Variants in PTPRD observed in about 807,000 individuals in gnomAD.
PTPRD encodes the protein protein tyrosine phosphatase receptor type D.
A neutral mutation model predicts 214.5 loss-of-function variants in PTPRD; 34 were observed. The observed-to-expected ratio is 0.16, with a 90% confidence interval of 0.12 to 0.21. The LOEUF (loss-of-function observed/expected upper bound fraction) is 0.21, where lower values mean the gene tolerates loss of function less well. Ranked by LOEUF, PTPRD falls within the 10% of genes least tolerant of loss-of-function variation. PTPRD has a pLI of 1.00. For synonymous variants in PTPRD, 1,128 were observed against 845.7 expected, an observed-to-expected ratio of 1.33 and a Z score of -5.79; for missense variants, 2,545 against 2,398.7, an observed-to-expected ratio of 1.06 and a Z score of -1.27.
At chr9:10,375,456 C>A (rs1159661843) in intron 2 of PTPRD, among the ~76,000 whole-genome samples, 1 of 151,934 alleles carries the variant, frequency 6.6e-6, no homozygotes, top group Non-Finnish European at 1.5e-5. Flanking sequence ...GTCATTTCAG[C>A]CTCTTTATAG....
chr9:10,489,438 A>G (rs1406080407), intron 2 of PTPRD, among the ~76,000 whole-genome samples: 6 of 152,266 alleles, frequency 3.9e-5, no homozygotes, highest in Middle Eastern at 3.4e-3. Context: ...GGGAGGGGTG[A>G]TGACAGCAAT....
intron 2 of PTPRD, among the ~76,000 whole-genome samples, chr9:10,472,548 C>T (rs758552080): frequency 4.6e-5 from 7 of 152,090 alleles, no homozygotes; most frequent in Non-Finnish European, 5.9e-5. Flanking sequence ...TCACAGGCTA[C>T]TTCGGTCATC....
Position 8,465,647 on chromosome 9 carries a change from C to G in PTPRD, c.3533G>C (p.Arg1178Thr). The G allele has an allele frequency of 6.2e-7, 1 of 1,611,918 alleles. No homozygotes were observed. The highest frequency in any genetic ancestry group is 1.1e-5 in the South Asian group (1 of 90,974). ...ELLKEISRKR[R>T]SIRYGREVEL... ...AACTTCTCTCCCATAACGGATGCTT[C>G]TGCGCTTCCTAGATATCTCCTTAAG... Residue 1178 changes from arginine (R) to threonine (T), a missense_variant, in exon 32 of 46, where the codon AGA becomes ACA. Coordinates refer to ENST00000381196, the MANE Select transcript of PTPRD (RefSeq NM_002839.4).
chr9:9,262,098 T>G (rs890297897), intron 9 of PTPRD, among the ~76,000 whole-genome samples: 1 of 151,610 alleles, frequency 6.6e-6, no homozygotes, highest in African/African-American at 2.4e-5. Flanking sequence ...TACTGGGGTG[T>G]CCCACAGTGT....
intron 11 of PTPRD, among the ~76,000 whole-genome samples, chr9:8,976,680 C>T (rs761858718): frequency 2.6e-5 from 4 of 152,038 alleles, no homozygotes; most frequent in African/African-American, 4.8e-5. Flanking sequence ...CCATTGATAA[C>T]ATTTGATTCA....
chr9:9,066,771 G>T (rs1004734294), intron 10 of PTPRD, among the ~76,000 whole-genome samples: 1 of 152,182 alleles, frequency 6.6e-6, no homozygotes, highest in East Asian at 1.9e-4. Flanking sequence ...ATCCAAAGCT[G>T]GAAGATAAAC....
At chr9:10,114,673 C>T (rs2098716473) in intron 3 of PTPRD, among the ~76,000 whole-genome samples, 1 of 152,014 alleles carries the variant, frequency 6.6e-6, no homozygotes, top group Admixed American at 6.6e-5. Context: ...AATATGCCCA[C>T]ATGCATATAT....
intron 8 of PTPRD, among the ~76,000 whole-genome samples, chr9:9,524,162 CAG>C (rs1276614079): frequency 6.6e-6 from 1 of 152,094 alleles, no homozygotes; most frequent in Non-Finnish European, 1.5e-5. Flanking sequence ...CCCTGAGAGA[CAG>C]AGAGAGACAA....
chr9:8,349,933 G>GTTT (rs71317358), intron 39 of PTPRD, among the ~76,000 whole-genome samples: 15 of 145,144 alleles, frequency 1.0e-4, no homozygotes, highest in African/African-American at 3.5e-4. Flanking sequence ...AACTTTAGTG[G>GTTT]TTTTTTTTTT....
rs542699684 is a variant in PTPRD, at chr9:8,718,920, G to T, written c.64+14860C>A. On this transcript the variant is annotated intron_variant, in intron 12 of 45. Transcript: ENST00000381196. ...GGTGTTTTCTCATTAGTTTTATTTT[G>T]CTTTTGATTTATAAGCACCAAAATG... 3.9e-5 allele frequency among the ~76,000 whole-genome samples: 6 copies of T among 152,154 alleles called. No homozygotes were observed. In the South Asian group the frequency reaches 1.0e-3, roughly 26 times the overall value.
intron 7 of PTPRD, among the ~76,000 whole-genome samples, chr9:9,683,519 A>G (rs562742252): frequency 6.8e-4 from 103 of 151,842 alleles, no homozygotes; most frequent in African/African-American, 2.4e-3. Context: ...TCCTATAAAA[A>G]CAATTCAAGA....
chr9:9,067,375 G>A (rs763537862), intron 10 of PTPRD, among the ~76,000 whole-genome samples: 10 of 152,122 alleles, frequency 6.6e-5, no homozygotes, highest in African/African-American at 9.7e-5. Context: ...GTGTATTTAC[G>A]TTTATGCCTT....
chr9:10,476,090 C>A lies in PTPRD; in HGVS notation c.-599-135073G>T, dbSNP rs1375469696. On this transcript the variant is annotated intron_variant, in intron 2 of 45. Transcript: ENST00000381196. ...ACTGGCACAAAACAAGTTATGCCCC[C>A]TCTCACCTCTCCTATTCAACATAGT... Among the ~76,000 whole-genome samples, 4 of 152,086 alleles carry A rather than the reference C, an allele frequency of 2.6e-5. No individual in the cohort carries two copies. In the East Asian group the frequency reaches 5.8e-4, roughly 22 times the overall value.
At chr9:10,144,360 A>T (rs1431317991) in intron 3 of PTPRD, among the ~76,000 whole-genome samples, 1 of 152,086 alleles carries the variant, frequency 6.6e-6, no homozygotes, top group Non-Finnish European at 1.5e-5. Context: ...TTAAGGTAAG[A>T]TGAAGAATTG....
chr9:8,826,239 GC>G (rs1024938541), intron 11 of PTPRD, among the ~76,000 whole-genome samples: 18 of 147,870 alleles, frequency 1.2e-4, no homozygotes, highest in Admixed American at 1.0e-3. Context: ...TTCCTAAATG[GC>G]CTTCCTATTT....
intron 8 of PTPRD, among the ~76,000 whole-genome samples, chr9:9,499,923 C>G (rs997524313): frequency 3.9e-5 from 6 of 151,924 alleles, no homozygotes; most frequent in Non-Finnish European, 8.8e-5. Context: ...GAAAACTGAT[C>G]CATACCAAGC....
chr9:8,924,125 CG>C (rs34944190), intron 11 of PTPRD, among the ~76,000 whole-genome samples: 103,566 of 151,648 alleles, frequency 0.68, 35,568 homozygotes, highest in East Asian at 0.86. Flanking sequence ...GCCTAAGCTA[CG>C]ATTAAATCCA....
At chr9:9,367,856 G>A (rs1295196819) in intron 9 of PTPRD, among the ~76,000 whole-genome samples, 1 of 151,618 alleles carries the variant, frequency 6.6e-6, no homozygotes, top group Non-Finnish European at 1.5e-5. Context: ...TATGTATTCT[G>A]TTCCTAGAAT....
intron 9 of PTPRD, among the ~76,000 whole-genome samples, chr9:9,195,216 T>A (rs1186005554): frequency 6.6e-6 from 1 of 151,708 alleles, no homozygotes; most frequent in African/African-American, 2.4e-5. Context: ...TGAGCATACA[T>A]CTTGGATAAA....
Sources: gnomAD v4.1 joint callset for allele counts (sites outside exome capture counted in the v4.1 genomes callset) on GRCh38, gnomAD v4.1.1 for gene constraint, MANE v1.5 for transcripts, NCBI Gene and HGNC (gene_info 2026-07-23, HGNC 2026-07-21) for gene names.